Variants in RGS7 observed in about 807,000 individuals in gnomAD.
RGS7 encodes regulator of G protein signaling 7.
Under a neutral mutation model 81.1 loss-of-function variants are expected in RGS7, and 27 were observed. The observed-to-expected ratio is 0.33, with a 90% confidence interval of 0.25 to 0.46. The LOEUF (loss-of-function observed/expected upper bound fraction) is 0.46, where lower values mean the gene tolerates loss of function less well. Ranked by LOEUF, RGS7 falls within the 20% of genes least tolerant of loss-of-function variation. The pLI, the probability that RGS7 is intolerant of heterozygous loss-of-function variation, is 1.00. For missense variants in RGS7, 396 were observed against 607.4 expected (o/e 0.65, Z 3.66); for synonymous variants, 208 against 207.7 (o/e 1.00, Z -0.01).
intron 3 of RGS7, chr1:240,998,526 C>T: frequency 1.0e-6 from 1 of 974,184 alleles, no homozygotes; most frequent in South Asian, 1.3e-5. Flanking sequence ...TTCTCCTCAG[C>T]TGGAGCAGCA....
intron 3 of RGS7, among the ~76,000 whole-genome samples, chr1:241,036,517 G>T (rs1558629396): frequency 6.6e-6 from 1 of 152,184 alleles, no homozygotes; most frequent in East Asian, 1.9e-4. Context: ...ATATAGAGCA[G>T]CGCCAAGATC....
At chr1:240,863,003 G>A (rs1037170338) in intron 9 of RGS7, among the ~76,000 whole-genome samples, 1 of 151,582 alleles carries the variant, frequency 6.6e-6, no homozygotes, top group Non-Finnish European at 1.5e-5. Flanking sequence ...TACCTAGGCT[G>A]GAGTGCAGTG....
intron 2 of RGS7, among the ~76,000 whole-genome samples, chr1:241,274,979 A>G (rs762606581): frequency 6.6e-6 from 1 of 152,244 alleles, no homozygotes; most frequent in Non-Finnish European, 1.5e-5. Context: ...TAGAGTAAAC[A>G]TGATTCTATA....
chr1:241,082,020 T>C (rs973304930), intron 3 of RGS7, among the ~76,000 whole-genome samples: 24 of 152,156 alleles, frequency 1.6e-4, no homozygotes, highest in Non-Finnish European at 2.6e-4. Context: ...GAAGGCTTCT[T>C]TGTAGATGTT....
chr1:240,908,134 T>C (rs1035898410), intron 6 of RGS7, among the ~76,000 whole-genome samples: 6 of 133,328 alleles, frequency 4.5e-5, no homozygotes, highest in Admixed American at 9.1e-5. Flanking sequence ...CACTCGTAGG[T>C]GGGAACTGAA....
chr1:240,997,670 C>A (rs1687500198), intron 3 of RGS7, among the ~76,000 whole-genome samples: 1 of 152,046 alleles, frequency 6.6e-6, no homozygotes, highest in South Asian at 2.1e-4. Flanking sequence ...ACTAAAAATA[C>A]AAAAATTAGT....
At chr1:241,241,696 T>G (rs910774334) in intron 2 of RGS7, among the ~76,000 whole-genome samples, 2 of 152,144 alleles carry the variant, frequency 1.3e-5, no homozygotes, top group African/African-American at 4.8e-5. Context: ...ATCCCGACAC[T>G]CCCAACTTTG....
At chr1:240,859,879 G>A (rs1241502102) in intron 9 of RGS7, among the ~76,000 whole-genome samples, 1 of 152,024 alleles carries the variant, frequency 6.6e-6, no homozygotes, top group East Asian at 1.9e-4. Context: ...GCTTTCACTG[G>A]ATCCTAAAAA....
intron 3 of RGS7, among the ~76,000 whole-genome samples, chr1:240,984,082 A>G (rs1217229027): frequency 3.3e-5 from 5 of 152,204 alleles, no homozygotes; most frequent in Admixed American, 2.0e-4. Context: ...CACACTGTCT[A>G]TATGTAAGTG....
At chr1:241,128,134 C>T (rs930391498) in intron 2 of RGS7, among the ~76,000 whole-genome samples, 18 of 151,758 alleles carry the variant, frequency 1.2e-4, no homozygotes, top group Admixed American at 3.3e-4. Flanking sequence ...AAAAATTAGC[C>T]GGGCGTGTGG....
At chr1:240,960,546 CTTTTTTTTTTTT>C (rs5782170) in intron 4 of RGS7, among the ~76,000 whole-genome samples, 2 of 113,722 alleles carry the variant, frequency 1.8e-5, no homozygotes, top group African/African-American at 6.7e-5. Context: ...CTGGGCTGTT[CTTTTTTTTTTTT>C]TTTTTTTTTC....
chr1:241,212,019 TTAC>T (rs1342842017), intron 2 of RGS7, among the ~76,000 whole-genome samples: 5 of 151,890 alleles, frequency 3.3e-5, no homozygotes, highest in Non-Finnish European at 5.9e-5. Flanking sequence ...CAATCCATTA[TTAC>T]ATGTGTATTA....
At chr1:240,907,078 T>C (rs1319501632) in intron 6 of RGS7, among the ~76,000 whole-genome samples, 1 of 152,094 alleles carries the variant, frequency 6.6e-6, no homozygotes, top group Non-Finnish European at 1.5e-5. Flanking sequence ...CTCCGGACTT[T>C]GGCTGCCTCA....
rs200302322 is a variant in RGS7, at chr1:240,872,378, G to A, written c.386-2259C>T. Among the ~76,000 whole-genome samples the A allele has an allele frequency of 5.9e-5, 9 of 152,250 alleles. No individual in the cohort carries two copies. In the East Asian group the frequency reaches 1.7e-3, roughly 30 times the overall value. On this transcript the variant is annotated intron_variant, in intron 6 of 18. Coordinates refer to ENST00000440928, the MANE Select transcript of RGS7 (RefSeq NM_001364886.1). ...GGAGGCTGAGGAAGGAGGATCATTT[G>A]AGACTAGTAGTTTGAGGCTGCAGTG...
chr1:240,924,252 A>C (rs1430860153), intron 6 of RGS7, among the ~76,000 whole-genome samples: 1 of 152,204 alleles, frequency 6.6e-6, no homozygotes, highest in Non-Finnish European at 1.5e-5. Context: ...TCATGTATGA[A>C]AGATGTATTG....
chr1:240,866,678 G>A (rs1047199423), intron 9 of RGS7, among the ~76,000 whole-genome samples: 1 of 152,114 alleles, frequency 6.6e-6, no homozygotes, highest in Non-Finnish European at 1.5e-5. Flanking sequence ...TGGGAGACAC[G>A]AAAGACTAGC....
chr1:240,879,834 T>C (rs1469987083), intron 6 of RGS7, among the ~76,000 whole-genome samples: 3 of 152,208 alleles, frequency 2.0e-5, no homozygotes, highest in Non-Finnish European at 4.4e-5. Flanking sequence ...GTCATAGTTT[T>C]AAAAAATAAT....
intron 6 of RGS7, among the ~76,000 whole-genome samples, chr1:240,924,036 G>A (rs1362572643): frequency 6.6e-6 from 1 of 152,008 alleles, no homozygotes; most frequent in Non-Finnish European, 1.5e-5. Flanking sequence ...GATCTCTTTA[G>A]TTGGTCATAA....
rs142185860 is a variant in RGS7 at position 241,150,713 on chromosome 1, A to T, written c.79-51951T>A. On this transcript the variant is annotated intron_variant, in intron 2 of 18. Transcript: ENST00000440928. ...AGAATACAGATATAGATGTAGATAC[A>T]GATAGATGTGAGGGAATTTATTAGG... 7.0e-4 allele frequency among the ~76,000 whole-genome samples: 107 copies of T among 152,342 alleles called. 1 individual carries two copies. In the East Asian group the frequency reaches 0.018, roughly 25 times the overall value.
Sources: allele counts gnomAD v4.1 joint callset (sites outside exome capture counted in the v4.1 genomes callset), GRCh38; gene constraint gnomAD v4.1.1; transcripts MANE v1.5; gene names NCBI Gene and HGNC (gene_info 2026-07-23, HGNC 2026-07-21).